Variants in PEX14 observed in about 807,000 individuals in gnomAD.
PEX14 encodes peroxisomal membrane protein PEX14.
Under a neutral mutation model 49.5 loss-of-function variants are expected in PEX14, and 15 were observed. The ratio of observed to expected loss-of-function variants is 0.30; its 90% confidence interval spans 0.20 to 0.47. The LOEUF (loss-of-function observed/expected upper bound fraction) is 0.47, where lower values mean the gene tolerates loss of function less well. Among genes scored for constraint, PEX14 ranks in the 20% least tolerant of loss-of-function variants. The pLI, the probability that PEX14 is intolerant of heterozygous loss-of-function variation, is 1.00. For synonymous variants in PEX14, 210 were observed against 212.7 expected (o/e 0.99, Z 0.11); for missense variants, 398 against 494.8 (o/e 0.80, Z 1.86).
intron 2 of PEX14, among the ~76,000 whole-genome samples, chr1:10,510,474 C>G (rs1008313034): frequency 6.6e-6 from 1 of 152,188 alleles, no homozygotes; most frequent in Non-Finnish European, 1.5e-5. Flanking sequence ...AGCTTATCTA[C>G]TTTGCTCTGG....
chr1:10,493,710 T>C (rs902977990), intron 1 of PEX14, among the ~76,000 whole-genome samples: 5 of 152,192 alleles, frequency 3.3e-5, no homozygotes, highest in Non-Finnish European at 5.9e-5. Flanking sequence ...TTTACACCAC[T>C]CTTCCATGGA....
chr1:10,495,300 T>C lies in PEX14; in HGVS notation c.63T>C (p.Asn21=), dbSNP rs1641538744. 6.2e-7 allele frequency: 1 copy of C among 1,613,924 alleles called. No individual in the cohort carries two copies. Among genetic ancestry groups the C allele is most frequent in the Non-Finnish European group, 8.5e-7 (1 of 1,179,960 alleles). The change falls in exon 2 of 9, where the codon AAT becomes AAC. Residue 21 remains asparagine (N), a synonymous_variant. Transcript: ENST00000356607. This position sits in a 1 kb window ranked among gnomAD's most constrained non-coding sequence, Gnocchi z 4.2. ...CAAGCTCTACTCCAGGAAGTGAAAA[T>C]GTGCTGCCTCGAGAGCCGCTGGTAA... ...SQPSSTPGSE[N]VLPREPLIAT... is the part of the protein sequence containing the mutation.
intron 2 of PEX14, chr1:10,535,886 G>C (rs1166203962): frequency 2.6e-6 from 1 of 377,706 alleles, no homozygotes; most frequent in Admixed American, 3.7e-5. Flanking sequence ...CAAGGGCGGC[G>C]ACATGGGTGC....
intron 4 of PEX14, among the ~76,000 whole-genome samples, chr1:10,610,741 C>T (rs567302177): frequency 2.0e-5 from 3 of 152,316 alleles, no homozygotes; most frequent in African/African-American, 7.2e-5. Flanking sequence ...GATCCGTCCG[C>T]CTTGGCCTCC....
At chr1:10,504,051 G>A (rs1481809329) in intron 2 of PEX14, among the ~76,000 whole-genome samples, 1 of 152,108 alleles carries the variant, frequency 6.6e-6, no homozygotes, top group Non-Finnish European at 1.5e-5. Context: ...CAGGATAATT[G>A]TAATTTAAAA....
chr1:10,516,318 T>C lies in PEX14; in HGVS notation c.85-19895T>C, dbSNP rs185324506. 1.1e-4 allele frequency among the ~76,000 whole-genome samples: 16 copies of C among 152,318 alleles called. 1 individual carries two copies. The East Asian group carries it at 2.7e-3, about 26-fold the overall frequency. On this transcript the variant is annotated intron_variant, in intron 2 of 8. Coordinates refer to ENST00000356607, the MANE Select transcript of PEX14 (RefSeq NM_004565.3). ...TGTAGAAACTGTGTTACTGAGTACATAGTCTGAGAACTTTGTCTCTCTTTG... is the reference window on the plus strand; with the variant it reads ...TGTAGAAACTGTGTTACTGAGTACACAGTCTGAGAACTTTGTCTCTCTTTG...
intron 3 of PEX14, among the ~76,000 whole-genome samples, chr1:10,550,817 T>C (rs1364118027): frequency 6.6e-6 from 1 of 152,234 alleles, no homozygotes; most frequent in Non-Finnish European, 1.5e-5. Flanking sequence ...AAGAATCACA[T>C]TGTAGAAAAT....
At chr1:10,610,224 A>G (rs1208230074) in intron 4 of PEX14, among the ~76,000 whole-genome samples, 2 of 148,650 alleles carry the variant, frequency 1.3e-5, no homozygotes, top group Non-Finnish European at 3.0e-5. Flanking sequence ...CCAAGGTTGA[A>G]GAGACTTTCT....
intron 3 of PEX14, among the ~76,000 whole-genome samples, chr1:10,562,638 T>C (rs1639681834): frequency 6.6e-6 from 1 of 152,212 alleles, no homozygotes; most frequent in South Asian, 2.1e-4. Context: ...AGGACATTGA[T>C]TTTGATTTGT....
chr1:10,513,555 G>A (rs752446280), intron 2 of PEX14, among the ~76,000 whole-genome samples: 1 of 152,134 alleles, frequency 6.6e-6, no homozygotes, highest in Non-Finnish European at 1.5e-5. Flanking sequence ...AGTGTCCCTC[G>A]CAGGTTCCCT....
At chr1:10,513,117 T>A (rs1641913060) in intron 2 of PEX14, among the ~76,000 whole-genome samples, 1 of 152,060 alleles carries the variant, frequency 6.6e-6, no homozygotes, top group South Asian at 2.1e-4. Context: ...AGTGTGAGAG[T>A]GTTTTCTATG....
intron 2 of PEX14, among the ~76,000 whole-genome samples, chr1:10,533,173 T>A (rs1331011032): frequency 6.6e-6 from 1 of 152,114 alleles, no homozygotes; most frequent in Non-Finnish European, 1.5e-5. Flanking sequence ...GGTGTCTTTC[T>A]TATTCAGCAC....
intron 3 of PEX14, among the ~76,000 whole-genome samples, chr1:10,577,553 TATATATA>T (rs1640173016): frequency 8.8e-5 from 1 of 11,374 alleles, no homozygotes; most frequent in South Asian, 4.2e-3. Flanking sequence ...TATATATATA[TATATATA>T]TATTTTTTTT....
chr1:10,613,085 C>A lies in PEX14; in HGVS notation c.299-5247C>A, dbSNP rs930003872. On this transcript the variant is annotated intron_variant, in intron 4 of 8. Coordinates refer to ENST00000356607, the MANE Select transcript of PEX14 (RefSeq NM_004565.3). The surrounding 1 kb of genome is among the most constrained non-coding windows in gnomAD (Gnocchi z 5.0). ...TCTCAGCTCTGTGTTGCCGATGAAC[C>A]TTTACTGGATTGCAGGATTTCCATG... 6.6e-6 allele frequency among the ~76,000 whole-genome samples: 1 copy of A among 152,210 alleles called. No individual in the cohort carries two copies. Among genetic ancestry groups the A allele is most frequent in the Non-Finnish European group, 1.5e-5 (1 of 68,032 alleles).
rs908032304 is a variant in PEX14 at position 10,597,636 on chromosome 1, C to T, written c.170-1602C>T. ...GAACCCTGGAAGCATTTTCATCCAGCCCACCAATCTGTTGAGAGCATGGTG... is the reference window on the plus strand; with the variant it reads ...GAACCCTGGAAGCATTTTCATCCAGTCCACCAATCTGTTGAGAGCATGGTG... On this transcript the variant is annotated intron_variant, in intron 3 of 8. Transcript: ENST00000356607. This position sits in a 1 kb window ranked among gnomAD's most constrained non-coding sequence, Gnocchi z 5.7. Among the ~76,000 whole-genome samples the T allele has an allele frequency of 1.6e-4, 24 of 152,200 alleles. No homozygotes were observed.
At chr1:10,555,807 G>A (rs1262842704) in intron 3 of PEX14, among the ~76,000 whole-genome samples, 9 of 152,148 alleles carry the variant, frequency 5.9e-5, no homozygotes, top group Admixed American at 3.3e-4. Flanking sequence ...AGAAGAGTCC[G>A]GGCCTCACCT....
At chr1:10,535,322 A>T (rs183515211) in intron 2 of PEX14, among the ~76,000 whole-genome samples, 14 of 152,346 alleles carry the variant, frequency 9.2e-5, no homozygotes, top group African/African-American at 3.4e-4. Flanking sequence ...TGCCCCTTCC[A>T]TCCCCTGCCC....
chr1:10,607,022 T>TAAGG (rs1447958498), intron 4 of PEX14, among the ~76,000 whole-genome samples: 1 of 152,214 alleles, frequency 6.6e-6, no homozygotes, highest in African/African-American at 2.4e-5. Flanking sequence ...TTCCAGTCAA[T>TAAGG]CCACCCTCCT....
intron 2 of PEX14, among the ~76,000 whole-genome samples, chr1:10,499,243 C>T (rs1641623835): frequency 6.6e-6 from 1 of 152,188 alleles, no homozygotes; most frequent in South Asian, 2.1e-4. Context: ...TTCAGCAATA[C>T]TATAGCTCAT....
Sources: allele counts gnomAD v4.1 joint callset (sites outside exome capture counted in the v4.1 genomes callset), GRCh38; gene constraint gnomAD v4.1.1; non-coding constraint Gnocchi (gnomAD v3.1); transcripts MANE v1.5; gene names NCBI Gene and HGNC (gene_info 2026-07-23, HGNC 2026-07-21).